The following AKNA variants were observed in gnomAD, a reference collection of about 807,000 sequenced individuals.
AKNA encodes the protein AT-hook transcription factor, also known as microtubule organization protein AKNA.
A neutral mutation model predicts 138.8 loss-of-function variants in AKNA; 67 were observed. That is an observed-to-expected ratio of 0.48 (90% CI 0.40 to 0.59). The LOEUF is 0.59. Among genes scored for constraint, AKNA ranks in the 20% least tolerant of loss-of-function variants. The probability of loss-of-function intolerance (pLI) is 0.00; values close to 1 mark genes in which losing one functional copy is unlikely to be tolerated. For synonymous variants in AKNA, 737 were observed against 754.4 expected (o/e 0.98, Z 0.38); for missense variants, 1,813 against 1,880.4 (o/e 0.96, Z 0.66).
intron 15 of AKNA, chr9:114,348,899 G>A (rs775337696): frequency 4.4e-6 from 2 of 456,318 alleles, no homozygotes; most frequent in South Asian, 3.1e-5. Context: ...GGTGGCCCCT[G>A]GACTCCTGGG....
rs1834159337 is a variant in AKNA, at chr9:114,387,891, C to A, written c.-145G>T. On this transcript the variant is annotated 5_prime_UTR_variant, in exon 1 of 22. Coordinates refer to ENST00000374088, the MANE Select transcript of AKNA (RefSeq NM_001317950.2). The stretch of plus-strand genomic sequence containing the variant: ...CGGGCTCCACCACCGTCCTGCCGAC[C>A]CAGTTTCAGGGGACCTGCCTGTGAA... 1 of 454,852 alleles carries A rather than the reference C, an allele frequency of 2.2e-6. No individual in the cohort carries two copies. Among genetic ancestry groups the A allele is most frequent in the African/African-American group, 2.0e-5 (1 of 50,050 alleles). The allele number at this position is 454,852 out of a possible 1,614,324, so 28.2% of individuals were successfully genotyped here. A position where few individuals can be genotyped will look rare whatever the true frequency, so the allele number is the denominator to read the frequency against.
At chr9:114,368,365 G>T in intron 5 of AKNA, 74 bp downstream of exon 5, 2 of 1,299,270 alleles carry the variant, frequency 1.5e-6, no homozygotes. Context: ...TCCCCAGGGT[G>T]AACCAAGTCA....
At chr9:114,377,668 G>A (rs1833345044) in intron 2 of AKNA, 136 bp from the exon 3 acceptor site, 1 of 932,562 alleles carries the variant, frequency 1.1e-6, no homozygotes, top group African/African-American at 1.7e-5. Flanking sequence ...GGTGGTGGTA[G>A]ACTTAGCCAA....
At chr9:114,380,338 G>A (rs1054220014) in intron 2 of AKNA, among the ~76,000 whole-genome samples, 5 of 152,106 alleles carry the variant, frequency 3.3e-5, no homozygotes, top group African/African-American at 1.2e-4. Flanking sequence ...ATTAACCATG[G>A]AATATCCATG....
At chr9:114,390,920 T>C (rs1399732674), upstream of AKNA, among the ~76,000 whole-genome samples, 1 of 152,250 alleles carries the variant, frequency 6.6e-6, no homozygotes, top group Admixed American at 6.5e-5. Flanking sequence ...TGTGATTATT[T>C]GATTAACATC....
Position 114,367,663 on chromosome 9 carries a change from G to A in AKNA, c.1608C>T (p.Ser536=), listed in dbSNP as rs1169734819. The A allele has an allele frequency of 1.3e-6, 2 of 1,596,072 alleles. No individual in the cohort carries two copies. Among genetic ancestry groups the A allele is most frequent in the Admixed American group, 3.4e-5 (2 of 58,730 alleles). The change falls in exon 6 of 22, where the codon TCC becomes TCT. Residue 536 remains serine, a synonymous_variant. Coordinates refer to ENST00000374088, the MANE Select transcript of AKNA (RefSeq NM_001317950.2). ...CCAGGGTGGGCATGCTGGTAAGCGA[G>A]GAGGGGCTCAAGTCTCCTCGAGCTG... The part of the protein sequence containing the change: ...WPSARGDLSP[S]SLTSMPTLGW...
chr9:114,396,624 A>G (rs1834542315), upstream of AKNA: 3 of 151,726 alleles, frequency 2.0e-5, no homozygotes, highest in African/African-American at 7.3e-5. Flanking sequence ...TGTTCCCGTG[A>G]GCCGAGATCG....
intron 1 of AKNA, among the ~76,000 whole-genome samples, chr9:114,382,609 AGCATTCCT>A (rs1426615676): frequency 1.3e-5 from 2 of 150,714 alleles, no homozygotes; most frequent in Non-Finnish European, 2.9e-5. Context: ...AAAAAAAGGT[AGCATTCCT>A]GTACCCAACA....
chr9:114,341,702 T>C lies in AKNA; in HGVS notation c.3898A>G (p.Arg1300Gly). 1 of 1,584,530 alleles carries C rather than the reference T, an allele frequency of 6.3e-7. No individual in the cohort carries two copies. The change falls in exon 21 of 22, where the codon AGA (arginine) becomes GGA (glycine). Residue 1300 changes from arginine (R) to glycine (G), a missense_variant. Transcript: ENST00000374088. ...GGGCTGGGAGTTGAAGATGCTTTTC[T>C]CCTCGTGGTGGCCTTCTCTGCCCCT... The part of the protein sequence containing the change: ...TSGAEKATTR[R>G]KASSTPSPKQ...
intron 14 of AKNA, among the ~76,000 whole-genome samples, chr9:114,355,329 C>T (rs1430067887): frequency 1.3e-5 from 2 of 152,134 alleles, no homozygotes; most frequent in Non-Finnish European, 2.9e-5. Flanking sequence ...GCACCTGCCA[C>T]CATGCCTGGC....
intron 14 of AKNA, among the ~76,000 whole-genome samples, chr9:114,351,550 C>T (rs150931439): frequency 0.015 from 2,240 of 152,086 alleles, 48 homozygotes; most frequent in African/African-American, 0.051. Context: ...TGGTGGCTCA[C>T]GCCTGTAATC....
intron 3 of AKNA, among the ~76,000 whole-genome samples, chr9:114,375,286 C>T (rs1037098299): frequency 2.0e-5 from 3 of 152,112 alleles, no homozygotes; most frequent in South Asian, 2.1e-4. Flanking sequence ...GACTGATTTC[C>T]GCAACAAATG....
Position 114,358,333 on chromosome 9 carries a change from G to A in AKNA, c.2493-166C>T, listed in dbSNP as rs948590072. ...TTCTAGCTGTGTGACCTAGGGCAAG[G>A]CACTTCCCCTCTCTCAACCTCACTT... On this transcript the variant is annotated intron_variant, in intron 11 of 21. Transcript: ENST00000374088. The A allele has an allele frequency of 2.9e-5, 24 of 840,266 alleles. No individual in the cohort carries two copies. In the African/African-American group the frequency reaches 3.4e-4, roughly 12 times the overall value. 52.1% of individuals were successfully genotyped at this position (840,266 alleles called of 1,614,324 possible). A position where few individuals can be genotyped will look rare whatever the true frequency, so the allele number is the denominator to read the frequency against.
At chr9:114,359,403 C>T in intron 11 of AKNA, 191 bp downstream of exon 11, 2 of 1,125,414 alleles carry the variant, frequency 1.8e-6, no homozygotes, top group Non-Finnish European at 2.5e-6. Context: ...ATGTGTCCTA[C>T]TGAAAATCAT....
At chr9:114,391,423 G>C (rs1834333593), upstream of AKNA, among the ~76,000 whole-genome samples, 1 of 152,222 alleles carries the variant, frequency 6.6e-6, no homozygotes. Flanking sequence ...AGCACTAGAT[G>C]CTCAAGAACA....
intron 18 of AKNA, 50 bp from the exon 19 acceptor site, chr9:114,343,853 A>G: frequency 6.8e-7 from 1 of 1,466,522 alleles, no homozygotes; most frequent in Non-Finnish European, 9.4e-7. Context: ...GATGGATGCA[A>G]AATAGAGGAA....
Position 114,337,012 on chromosome 9 carries a change from T to TTGGGGGGGGGGGCG in AKNA, c.*41_*42insCGCCCCCCCCCCCA. The TTGGGGGGGGGGGCG allele has an allele frequency of 2.5e-6, 3 of 1,208,224 alleles. No homozygotes were observed. The highest frequency in any genetic ancestry group is 3.2e-6 in the Non-Finnish European group (3 of 929,350). The allele number at this position is 1,208,224 out of a possible 1,614,324, so 74.8% of individuals were successfully genotyped here. A position where few individuals can be genotyped will look rare whatever the true frequency, so the allele number is the denominator to read the frequency against. ...CCCACTCCTGGCCTGGCAGGCCACC[T>TTGGGGGGGGGGGCG]GCCCACCCACCCACCCATCTGCCTC... On this transcript the variant is annotated 3_prime_UTR_variant, in exon 22 of 22. Coordinates refer to ENST00000374088, the MANE Select transcript of AKNA (RefSeq NM_001317950.2).
intron 14 of AKNA, among the ~76,000 whole-genome samples, chr9:114,354,565 T>C (rs929777404): frequency 6.6e-6 from 1 of 151,756 alleles, no homozygotes; most frequent in Admixed American, 6.6e-5. Context: ...TACAAAAAAT[T>C]AGCCAGGCAT....
chr9:114,348,777 G>A (rs539741074), intron 15 of AKNA: 13 of 437,858 alleles, frequency 3.0e-5, no homozygotes, highest in South Asian at 4.7e-5. Flanking sequence ...CCTCAACCAC[G>A]GAGCAGCGTT....
Sources: gnomAD v4.1 joint callset for allele counts (sites outside exome capture counted in the v4.1 genomes callset) on GRCh38, gnomAD v4.1.1 for gene constraint, MANE v1.5 for transcripts, NCBI Gene and HGNC (gene_info 2026-07-23, HGNC 2026-07-21) for gene names.